The following USP6NL variants were observed in gnomAD, a reference collection of about 807,000 sequenced individuals.
USP6NL encodes USP6 N-terminal like, also known as USP6 N-terminal-like protein.
A neutral mutation model predicts 61.9 loss-of-function variants in USP6NL; 26 were observed. The ratio of observed to expected loss-of-function variants is 0.42; its 90% CI spans 0.31 to 0.58. The LOEUF (loss-of-function observed/expected upper bound fraction) is 0.58, where lower values mean the gene tolerates loss of function less well. Ranked by LOEUF, USP6NL falls within the 20% of genes least tolerant of loss-of-function variation. USP6NL has a pLI of 0.16. For missense variants in USP6NL, 1,114 were observed against 1,034.3 expected, an observed-to-expected ratio of 1.08 and a Z score of -1.06; for synonymous variants, 432 against 390.1, an observed-to-expected ratio of 1.11 and a Z score of -1.27.
intron 2 of USP6NL, among the ~76,000 whole-genome samples, chr10:11,594,262 C>T (rs1008416968): frequency 6.6e-6 from 1 of 152,100 alleles, no homozygotes; most frequent in African/African-American, 2.4e-5. Flanking sequence ...TAGAGAAAAT[C>T]ATCAAATGGA....
chr10:11,609,264 A>G (rs1223957322), intron 1 of USP6NL, among the ~76,000 whole-genome samples: 1 of 152,120 alleles, frequency 6.6e-6, no homozygotes, highest in African/African-American at 2.4e-5. Context: ...CGGGGGTTTC[A>G]GCATGTTAGC....
Position 11,600,462 on chromosome 10 carries a change from A to G in USP6NL, c.-83-2745T>C, listed in dbSNP as rs1838482864. Among the ~76,000 whole-genome samples, 1 of 152,246 alleles carries G rather than the reference A, an allele frequency of 6.6e-6. No homozygotes were observed. The highest frequency in any genetic ancestry group is 6.5e-5 in the Admixed American group (1 of 15,286). The stretch of plus-strand genomic sequence containing the variant: ...AACAGAGAGCGCAGACCAGTGAGCT[A>G]GAAAGAAACGTCTGGTGTTGTGCAC... On this transcript the variant is annotated intron_variant, in intron 1 of 14. Coordinates refer to ENST00000609104, the MANE Select transcript of USP6NL (RefSeq NM_014688.5). The surrounding 1 kb of genome is among the most constrained non-coding windows in gnomAD (Gnocchi z 4.1).
chr10:11,557,620 T>C (rs1169210403), intron 2 of USP6NL, among the ~76,000 whole-genome samples: 2 of 152,188 alleles, frequency 1.3e-5, no homozygotes, highest in Admixed American at 1.3e-4. Flanking sequence ...TTGGAGTTAG[T>C]GAGTGTAGAC....
chr10:11,505,037 G>A (rs552589681), intron 6 of USP6NL, among the ~76,000 whole-genome samples: 8 of 152,290 alleles, frequency 5.3e-5, no homozygotes, highest in South Asian at 2.1e-4. Context: ...TGGGGTGAGC[G>A]CCATGCATCT....
chr10:11,560,713 AT>A (rs932664158), intron 2 of USP6NL, among the ~76,000 whole-genome samples: 7 of 101,804 alleles, frequency 6.9e-5, no homozygotes, highest in Admixed American at 1.0e-4. Flanking sequence ...ATATATATAT[AT>A]TATATATATA....
Position 11,465,375 on chromosome 10 carries a change from A to G in USP6NL, c.1079-1526T>C, listed in dbSNP as rs374814968. ...CTGTGACGCCCAGAGTGGTGAATGC[A>G]TGCCTGAAGATGCACTGTCACAGGG... On this transcript the variant is annotated intron_variant, in intron 14 of 14. Coordinates refer to ENST00000609104, the MANE Select transcript of USP6NL (RefSeq NM_014688.5). The surrounding 1 kb of genome is among the most constrained non-coding windows in gnomAD (Gnocchi z 4.5). Among the ~76,000 whole-genome samples the G allele has an allele frequency of 1.3e-5, 2 of 152,330 alleles. No individual in the cohort carries two copies. The highest frequency in any genetic ancestry group is 4.1e-4 in the South Asian group (2 of 4,824).
chr10:11,508,284 A>C (rs2133337511), intron 6 of USP6NL, among the ~76,000 whole-genome samples: 1 of 152,358 alleles, frequency 6.6e-6, no homozygotes, highest in African/African-American at 2.4e-5. Flanking sequence ...CTTTACATGC[A>C]TTAAATCATG....
intron 2 of USP6NL, among the ~76,000 whole-genome samples, chr10:11,559,291 T>C (rs1181065593): frequency 6.6e-6 from 1 of 152,208 alleles, no homozygotes; most frequent in Non-Finnish European, 1.5e-5. Context: ...CAATTTCTAC[T>C]TCTCACCTTG....
intron 6 of USP6NL, among the ~76,000 whole-genome samples, chr10:11,509,009 G>A (rs1834582021): frequency 1.3e-5 from 2 of 152,182 alleles, no homozygotes; most frequent in Admixed American, 1.3e-4. Context: ...TCTTCTCACT[G>A]TTTAAAGACT....
intron 2 of USP6NL, among the ~76,000 whole-genome samples, chr10:11,579,980 C>T (rs1446480229): frequency 2.1e-5 from 3 of 143,836 alleles, no homozygotes; most frequent in South Asian, 2.2e-4. Flanking sequence ...GGGGCAGCAA[C>T]GTCTAAAGAC....
rs556769999 is a variant in USP6NL at position 11,481,508 on chromosome 10, A to T, written c.1078+262T>A. ...ACCATGGCTACTTCTGTTGAACAACAGTATTTGCCAACCAAACTTCTAAAT... is the reference window on the plus strand; with the variant it reads ...ACCATGGCTACTTCTGTTGAACAACTGTATTTGCCAACCAAACTTCTAAAT... On this transcript the variant is annotated intron_variant, in intron 14 of 14. Coordinates refer to ENST00000609104, the MANE Select transcript of USP6NL (RefSeq NM_014688.5). This position sits in a 1 kb window ranked among gnomAD's most constrained non-coding sequence, Gnocchi z 4.4. 6.6e-6 allele frequency among the ~76,000 whole-genome samples: 1 copy of T among 152,362 alleles called. No homozygotes were observed. Among genetic ancestry groups the T allele is most frequent in the East Asian group, 1.9e-4 (1 of 5,186 alleles).
rs1838477883 is a variant in USP6NL, at chr10:11,600,343, T to C, written c.-83-2626A>G. Among the ~76,000 whole-genome samples the C allele has an allele frequency of 1.3e-5, 2 of 152,052 alleles. No homozygotes were observed. Among genetic ancestry groups the C allele is most frequent in the South Asian group, 4.2e-4 (2 of 4,812 alleles). On this transcript the variant is annotated intron_variant, in intron 1 of 14. Transcript: ENST00000609104. The surrounding 1 kb of genome is among the most constrained non-coding windows in gnomAD (Gnocchi z 4.1). ...GTGCTCCTACATGCAGAACAAGAAA[T>C]GTATGCCCCAGGTAGCAATGGCCCA...
At chr10:11,506,871 A>G (rs1357123084) in intron 6 of USP6NL, among the ~76,000 whole-genome samples, 1 of 152,178 alleles carries the variant, frequency 6.6e-6, no homozygotes, top group East Asian at 1.9e-4. Flanking sequence ...GAGAGAAAAC[A>G]TACTTCTCCT....
chr10:11,494,201 T>C (rs995098441), intron 7 of USP6NL, among the ~76,000 whole-genome samples: 1 of 152,232 alleles, frequency 6.6e-6, no homozygotes, highest in Admixed American at 6.5e-5. Flanking sequence ...TGGCTTCCAG[T>C]GTTGCTATTC....
intron 2 of USP6NL, among the ~76,000 whole-genome samples, chr10:11,531,151 T>TA (rs773943688): frequency 6.6e-6 from 1 of 152,196 alleles, no homozygotes; most frequent in Non-Finnish European, 1.5e-5. Flanking sequence ...GACAAATCCA[T>TA]AAATAAAAGT....
intron 5 of USP6NL, among the ~76,000 whole-genome samples, chr10:11,514,165 G>A (rs1009382259): frequency 6.6e-6 from 1 of 151,250 alleles, no homozygotes; most frequent in African/African-American, 2.4e-5. Flanking sequence ...TTTGAGACAG[G>A]GCGCATATCA....
intron 10 of USP6NL, among the ~76,000 whole-genome samples, chr10:11,486,124 A>G (rs1833458318): frequency 6.6e-6 from 1 of 150,612 alleles, no homozygotes; most frequent in Non-Finnish European, 1.5e-5. Flanking sequence ...AAGATCTTCT[A>G]TAACTTTGTA....
chr10:11,573,579 C>CAA (rs1837435949), intron 2 of USP6NL: 1 of 398,688 alleles, frequency 2.5e-6, no homozygotes, highest in Non-Finnish European at 4.4e-6. Flanking sequence ...CCTGAAAGTG[C>CAA]TTGATTGTTC....
chr10:11,527,403 T>G, intron 3 of USP6NL, 97 bp downstream of exon 3: 1 of 1,075,494 alleles, frequency 9.3e-7, no homozygotes, highest in South Asian at 1.4e-5. Flanking sequence ...TTAAACAAAC[T>G]GCTTCTGGAA....
Sources: gnomAD v4.1 joint callset for allele counts (sites outside exome capture counted in the v4.1 genomes callset) on GRCh38, gnomAD v4.1.1 for gene constraint, Gnocchi (gnomAD v3.1) non-coding constraint, MANE v1.5 for transcripts, NCBI Gene and HGNC (gene_info 2026-07-23, HGNC 2026-07-21) for gene names.